COL4A6: variants seen among roughly 807,000 people sequenced by gnomAD.
The protein encoded by COL4A6 is collagen type IV alpha 6 chain.
COL4A6 carries 59 observed loss-of-function variants against 126.7 expected under a neutral mutation model. That is an observed-to-expected ratio of 0.47 (90% confidence interval 0.38 to 0.58). COL4A6 has a LOEUF of 0.58. COL4A6 is among the 20% of genes least tolerant of loss of function. The pLI, the probability that COL4A6 is intolerant of heterozygous loss-of-function variation, is 0.00. For missense variants in COL4A6, 1,285 were observed against 1,337.3 expected (o/e 0.96, Z 0.61); for synonymous variants, 547 against 496.6 (o/e 1.10, Z -1.35).
chrX:108,390,107 C>T (rs867434024), intron 2 of COL4A6, among the ~76,000 whole-genome samples: 3 of 111,998 alleles, frequency 2.7e-5, no homozygotes, highest in Non-Finnish European at 3.8e-5. Flanking sequence ...CACTTTTAGT[C>T]TGAAGGGGTT....
chrX:108,290,831 T>C (rs1386312791), intron 3 of COL4A6, among the ~76,000 whole-genome samples: 1 of 112,568 alleles, frequency 8.9e-6, no homozygotes, highest in African/African-American at 3.2e-5. Flanking sequence ...CTCAGTCCTG[T>C]GCTCTGCTAC....
intron 3 of COL4A6, among the ~76,000 whole-genome samples, chrX:108,244,825 A>C (rs912698775): frequency 5.4e-5 from 6 of 111,725 alleles, no homozygotes; most frequent in African/African-American, 1.9e-4. Context: ...CCAGGGACTC[A>C]TCCAAAAAAG....
rs2035044464 is a variant in COL4A6 at position 108,191,538 on chromosome X, A to G, written c.1181-5T>C. 1.7e-6 allele frequency: 2 copies of G among 1,205,750 alleles called. No individual in the cohort carries two copies. The highest frequency in any genetic ancestry group is 2.2e-6 in the Non-Finnish European group (2 of 893,406). Reference sequence around the variant, plus strand: ...GCCCTAGGGCTCCTGGGACACCTGGAAGAATAAGCCCACACACAAATGCTC... The same window carrying G: ...GCCCTAGGGCTCCTGGGACACCTGGGAGAATAAGCCCACACACAAATGCTC... On this transcript the variant is annotated splice_polypyrimidine_tract_variant and splice_region_variant and intron_variant, in intron 18 of 44. Transcript: ENST00000334504.
rs1295325303 is a variant in COL4A6 at position 108,330,378 on chromosome X, CTA to C, written c.64-19552_64-19551del. On this transcript the variant is annotated intron_variant, in intron 2 of 44. Coordinates refer to ENST00000334504, the MANE Select transcript of COL4A6 (RefSeq NM_033641.4). The stretch of plus-strand genomic sequence containing the variant: ...TGTCATGCACGGCTCTCCAAGTACT[CTA>C]TGAGCTTTAATTAGTCTTAACTCTC... Among the ~76,000 whole-genome samples, 4 of 111,652 alleles carry C rather than the reference CTA, an allele frequency of 3.6e-5. No individual in the cohort carries two copies. The Admixed American group carries it at 3.8e-4, about 11-fold the overall frequency.
chrX:108,280,914 T>G (rs191655892), intron 3 of COL4A6, among the ~76,000 whole-genome samples: 37 of 111,891 alleles, frequency 3.3e-4, no homozygotes, highest in Admixed American at 9.4e-4. Context: ...CCTCAACAGA[T>G]GCAGAAAAGG....
chrX:108,183,634 T>C (rs2034755382), intron 23 of COL4A6: 1 of 624,111 alleles, frequency 1.6e-6, no homozygotes, highest in East Asian at 4.4e-5. Flanking sequence ...GCTCAGGCCA[T>C]CGTGACTGTC....
intron 2 of COL4A6, among the ~76,000 whole-genome samples, chrX:108,313,494 A>G (rs191608468): frequency 1.8e-5 from 2 of 111,505 alleles, no homozygotes; most frequent in African/African-American, 3.3e-5. Context: ...AAGCAAAAAA[A>G]TTTTTTTAAA....
At chrX:108,435,527 ATAGT>A (rs1486036113) in intron 2 of COL4A6, among the ~76,000 whole-genome samples, 4 of 111,818 alleles carry the variant, frequency 3.6e-5, no homozygotes, top group Non-Finnish European at 7.5e-5. Context: ...AGCCCCTTAG[ATAGT>A]TAGGCGCCTA....
chrX:108,176,750 C>A, intron 28 of COL4A6, 91 bp downstream of exon 28: 1 of 979,802 alleles, frequency 1.0e-6, no homozygotes, highest in South Asian at 2.4e-5. Context: ...TCCCCATTTC[C>A]CATTCCTAGG....
chrX:108,258,959 A>G lies in COL4A6; in HGVS notation c.145-37585T>C, dbSNP rs535296357. On this transcript the variant is annotated intron_variant, in intron 3 of 44. Coordinates refer to ENST00000334504, the MANE Select transcript of COL4A6 (RefSeq NM_033641.4). ...GAAACTGTGATGGCTAAACTCTTAGATATTGCCTGACAGTGATATCAATGT... is the reference window on the plus strand; with the variant it reads ...GAAACTGTGATGGCTAAACTCTTAGGTATTGCCTGACAGTGATATCAATGT... 4.9e-4 allele frequency among the ~76,000 whole-genome samples: 54 copies of G among 111,322 alleles called. No individual in the cohort carries two copies. In the South Asian group the frequency reaches 0.02, roughly 41 times the overall value.
At chrX:108,308,108 T>C (rs1306986817) in intron 3 of COL4A6, among the ~76,000 whole-genome samples, 1 of 111,804 alleles carries the variant, frequency 8.9e-6, no homozygotes. Flanking sequence ...AGGGATATTC[T>C]AATTTCCTCC....
rs1569343010 is a variant in COL4A6, at chrX:108,191,409, A to G, written c.1305T>C (p.Gly435=). The part of the protein sequence containing the change: ...PGRDGLPGPP[G]PPGPPSPEFE... ...GTAACTTACTAGGTGGGCCTGGTGGACCTGGTGGGCCTGGCAAACCATCTC... is the reference window on the plus strand; with the variant it reads ...GTAACTTACTAGGTGGGCCTGGTGGGCCTGGTGGGCCTGGCAAACCATCTC... The change falls in exon 19 of 45, where the codon GGT becomes GGC. Residue 435 remains glycine, a synonymous_variant. Transcript: ENST00000334504. The G allele has an allele frequency of 4.1e-6, 5 of 1,210,279 alleles. No homozygotes were observed. Among genetic ancestry groups the G allele is most frequent in the Non-Finnish European group, 5.6e-6 (5 of 894,841 alleles).
intron 2 of COL4A6, among the ~76,000 whole-genome samples, chrX:108,385,629 C>T (rs993278942): frequency 4.5e-5 from 5 of 111,908 alleles, no homozygotes; most frequent in African/African-American, 1.6e-4. Context: ...AGTATGGTAC[C>T]ACTGTAAGGA....
At chrX:108,180,404 T>G in intron 25 of COL4A6, 111 bp downstream of exon 25, 1 of 644,550 alleles carries the variant, frequency 1.6e-6, no homozygotes, top group Non-Finnish European at 2.4e-6. Flanking sequence ...GAGAGCAAAC[T>G]TGGCTTCCTG....
intron 3 of COL4A6, among the ~76,000 whole-genome samples, chrX:108,236,832 C>A (rs761903407): frequency 5.4e-5 from 6 of 111,727 alleles, no homozygotes; most frequent in Non-Finnish European, 1.1e-4. Context: ...CCATAGACCT[C>A]TGCAGCATTT....
chrX:108,391,513 G>T (rs183691286), intron 2 of COL4A6, among the ~76,000 whole-genome samples: 165 of 111,297 alleles, frequency 1.5e-3, no homozygotes, highest in African/African-American at 4.8e-3. Flanking sequence ...TTCAAGCCTC[G>T]GCAATGGCAG....
intron 2 of COL4A6, among the ~76,000 whole-genome samples, chrX:108,435,622 G>A (rs1278524919): frequency 8.9e-6 from 1 of 111,880 alleles, no homozygotes; most frequent in Non-Finnish European, 1.9e-5. Flanking sequence ...CCTGAATGAA[G>A]ATCATTACTC....
rs776642647 is a variant in COL4A6 at position 108,179,255 on chromosome X, T to C, written c.2315A>G (p.Lys772Arg). 30 of 1,209,886 alleles carry C rather than the reference T, an allele frequency of 2.5e-5. No individual in the cohort carries two copies. Among genetic ancestry groups the C allele is most frequent in the Non-Finnish European group, 3.4e-5 (30 of 895,182 alleles). The change falls in exon 26 of 45, where the codon AAA (lysine) becomes AGA (arginine). Residue 772 changes from lysine (K) to arginine (R), a missense_variant. Transcript: ENST00000334504. ...AAGGCCAGAGTCTCCAAGAAATCCT[T>C]TGTGCCCTGTTAATCCTTGTAGGCC... ...EQGLQGLTGH[K>R]GFLGDSGLPG...
At chrX:108,332,214 G>T (rs185391613) in intron 2 of COL4A6, among the ~76,000 whole-genome samples, 338 of 111,473 alleles carry the variant, frequency 3.0e-3, no homozygotes, top group African/African-American at 0.011. Context: ...CATTCCATGG[G>T]ATATATATCA....
Sources: gnomAD v4.1 joint callset for allele counts (sites outside exome capture counted in the v4.1 genomes callset) on GRCh38, gnomAD v4.1.1 for gene constraint, MANE v1.5 for transcripts, NCBI Gene and HGNC (gene_info 2026-07-23, HGNC 2026-07-21) for gene names.